Variants in SORCS2 observed in about 807,000 individuals in gnomAD.
SORCS2 encodes VPS10 domain-containing receptor SorCS2.
A neutral mutation model predicts 141.6 loss-of-function variants in SORCS2; 100 were observed. That is an observed-to-expected ratio of 0.71 (90% CI 0.60 to 0.83). The LOEUF is 0.83. Ranked by LOEUF, SORCS2 falls within the 40% of genes least tolerant of loss-of-function variation. The pLI is 0.00. For missense variants in SORCS2, 1,646 were observed against 1,560.2 expected, an observed-to-expected ratio of 1.05 and a Z score of -0.93; for synonymous variants, 789 against 676.9, an observed-to-expected ratio of 1.17 and a Z score of -2.57.
At chr4:7,465,116 C>T (rs1298260197) in intron 2 of SORCS2, among the ~76,000 whole-genome samples, 1 of 152,212 alleles carries the variant, frequency 6.6e-6, no homozygotes. Context: ...GTGAATGACA[C>T]CCGGGGCCGC....
Position 7,682,747 on chromosome 4 carries a change from G to T in SORCS2, c.1346G>T (p.Arg449Ile). Residue 449 changes from arginine (R) to isoleucine (I), a missense_variant, in exon 10 of 27, where the codon AGA becomes ATA. Physicochemically the swap from Arg to Ile is moderately conservative, Grantham distance 97. Transcript: ENST00000507866. ...ESVLIDILEV[R>I]GVKGVFLANQ... ...CTTCTTTTATTTTTGTCCCAGGTCA[G>T]AGGGGTGAAAGGAGTCTTCCTGGCA... 6.2e-7 allele frequency: 1 copy of T among 1,609,434 alleles called. No homozygotes were observed. Among genetic ancestry groups the T allele is most frequent in the Non-Finnish European group, 8.5e-7 (1 of 1,177,776 alleles).
intron 3 of SORCS2, among the ~76,000 whole-genome samples, chr4:7,602,608 G>A (rs1334064842): frequency 6.6e-6 from 1 of 150,446 alleles, no homozygotes; most frequent in Admixed American, 6.6e-5. Flanking sequence ...GATGACTGCC[G>A]GGAAGAGGCG....
intron 1 of SORCS2, among the ~76,000 whole-genome samples, chr4:7,293,921 G>A (rs1716782514): frequency 6.6e-6 from 1 of 152,208 alleles, no homozygotes. Context: ...GCATTTGGAT[G>A]GTATTGCTTG....
intron 2 of SORCS2, among the ~76,000 whole-genome samples, chr4:7,426,176 G>A (rs547747267): frequency 5.3e-5 from 8 of 152,336 alleles, no homozygotes; most frequent in South Asian, 2.1e-4. Flanking sequence ...TGGGGAGGCC[G>A]GGAGTTGCGG....
At chr4:7,636,066 GC>G (rs546036412) in intron 3 of SORCS2, among the ~76,000 whole-genome samples, 90 of 152,326 alleles carry the variant, frequency 5.9e-4, no homozygotes, top group African/African-American at 2.0e-3. Context: ...TCGTGCCATT[GC>G]CCACTGCCCT....
chr4:7,326,960 G>A (rs571821621), intron 1 of SORCS2, among the ~76,000 whole-genome samples: 1 of 152,212 alleles, frequency 6.6e-6, no homozygotes, highest in Non-Finnish European at 1.5e-5. Flanking sequence ...GTTGTCCCCT[G>A]GTCACCCGTG....
intron 1 of SORCS2, among the ~76,000 whole-genome samples, chr4:7,368,557 C>A (rs148525712): frequency 6.6e-6 from 1 of 152,224 alleles, no homozygotes; most frequent in Non-Finnish European, 1.5e-5. Flanking sequence ...CCAGCCACGC[C>A]TCTCTTTAGG....
intron 4 of SORCS2, among the ~76,000 whole-genome samples, chr4:7,650,887 G>A (rs1386176803): frequency 6.6e-6 from 1 of 152,048 alleles, no homozygotes. Flanking sequence ...CTATAACAAG[G>A]ACTTCAGCAT....
chr4:7,633,366 C>T (rs181077912), intron 3 of SORCS2, among the ~76,000 whole-genome samples: 212 of 152,280 alleles, frequency 1.4e-3, no homozygotes, highest in Non-Finnish European at 2.5e-3. Context: ...TCATGCCGTC[C>T]TCTCTGCCTG....
At chr4:7,636,406 GGAAC>G (rs1438979559) in intron 3 of SORCS2, among the ~76,000 whole-genome samples, 2 of 152,252 alleles carry the variant, frequency 1.3e-5, no homozygotes, top group Non-Finnish European at 2.9e-5. Context: ...AATTAATGAA[GGAAC>G]GAACGAACAC....
intron 3 of SORCS2, among the ~76,000 whole-genome samples, chr4:7,548,609 G>T (rs1713449803): frequency 6.6e-6 from 1 of 152,064 alleles, no homozygotes; most frequent in Admixed American, 6.5e-5. Context: ...TTGAACCCTG[G>T]GCATCTTGTG....
At chr4:7,496,836 A>C (rs9647415) in intron 2 of SORCS2, among the ~76,000 whole-genome samples, 144,786 of 152,170 alleles carry the variant, frequency 0.95, 69,072 homozygotes, top group East Asian at 1. Flanking sequence ...CGGCTGGGGA[A>C]GGCACAGGGC....
At chr4:7,714,703 C>T (rs1291570092) in intron 16 of SORCS2, among the ~76,000 whole-genome samples, 2 of 152,222 alleles carry the variant, frequency 1.3e-5, no homozygotes, top group Non-Finnish European at 2.9e-5. Context: ...CATCCAGGGA[C>T]TCTGCTGAAA....
At chr4:7,254,551 A>G (rs985501402) in intron 1 of SORCS2, among the ~76,000 whole-genome samples, 4 of 152,182 alleles carry the variant, frequency 2.6e-5, no homozygotes, top group Middle Eastern at 3.2e-3. Flanking sequence ...AAGTTGGTCA[A>G]TGGGTATAAT....
At chr4:7,377,686 A>G (rs1279973817) in intron 1 of SORCS2, among the ~76,000 whole-genome samples, 2 of 152,200 alleles carry the variant, frequency 1.3e-5, no homozygotes, top group African/African-American at 4.8e-5. Context: ...GCCCTCCGCC[A>G]CAGCTGGTAA....
chr4:7,638,249 C>T, intron 3 of SORCS2, 79 bp from the exon 4 acceptor site: 1 of 1,461,174 alleles, frequency 6.8e-7, no homozygotes, highest in Non-Finnish European at 9.1e-7. Context: ...GCGCACCTGG[C>T]CCAGGCCTCA....
intron 3 of SORCS2, among the ~76,000 whole-genome samples, chr4:7,569,171 G>A (rs922501579): frequency 8.5e-5 from 13 of 152,280 alleles, no homozygotes; most frequent in South Asian, 2.1e-4. Flanking sequence ...AAGTGATTAC[G>A]GCAGGAAGTG....
intron 2 of SORCS2, among the ~76,000 whole-genome samples, chr4:7,480,048 C>G (rs62277646): frequency 0.078 from 11,853 of 152,242 alleles, 485 homozygotes; most frequent in African/African-American, 0.093. Context: ...TGAGCCTGAG[C>G]TGAGTCTGAC....
chr4:7,455,445 A>T (rs1728832428), intron 2 of SORCS2, among the ~76,000 whole-genome samples: 2 of 115,186 alleles, frequency 1.7e-5, no homozygotes, highest in African/African-American at 3.5e-5. Context: ...TGTTGGGGTC[A>T]GGAGCTGTGT....
Sources: allele counts gnomAD v4.1 joint callset (sites outside exome capture counted in the v4.1 genomes callset), GRCh38; gene constraint gnomAD v4.1.1; transcripts MANE v1.5; gene names NCBI Gene and HGNC (gene_info 2026-07-23, HGNC 2026-07-21).